LUZP2: variants seen among roughly 807,000 people sequenced by gnomAD.
The protein encoded by LUZP2 is leucine zipper protein 2.
LUZP2 carries 52 observed loss-of-function variants against 51.6 expected under a neutral mutation model. The ratio of observed to expected loss-of-function variants is 1.01; its 90% confidence interval spans 0.81 to 1.27. The LOEUF (loss-of-function observed/expected upper bound fraction) is 1.27. Among genes scored for constraint, LUZP2 ranks in the 50% most tolerant of loss-of-function variants. The probability of loss-of-function intolerance (pLI) is 0.00; values close to 1 mark genes in which losing one functional copy is unlikely to be tolerated. For missense variants in LUZP2, 436 were observed against 395.4 expected (o/e 1.10, Z -0.87); for synonymous variants, 154 against 137.3 (o/e 1.12, Z -0.85).
At chr11:24,581,636 A>C (rs981295794) in intron 1 of LUZP2, among the ~76,000 whole-genome samples, 17 of 151,742 alleles carry the variant, frequency 1.1e-4, no homozygotes, top group Admixed American at 8.6e-4. Flanking sequence ...ATGCCACTGC[A>C]CTCCAGCCTG....
chr11:24,765,053 T>C (rs1056526451), intron 5 of LUZP2, among the ~76,000 whole-genome samples: 16 of 152,100 alleles, frequency 1.1e-4, no homozygotes, highest in African/African-American at 3.9e-4. Context: ...GAAATGAAAA[T>C]TGATAACCAA....
rs12280545 is a variant in LUZP2 at position 24,728,996 on chromosome 11, T to C, written c.63-173T>C. On this transcript the variant is annotated intron_variant, in intron 1 of 11. Transcript: ENST00000336930. ...TCACTGGGAAATGAAACTTTTGTTA[T>C]AAAATGGGGTTTTCAATTTTCCCCT... is the stretch of plus-strand genomic sequence containing the variant. 2,641 of 397,876 alleles carry C rather than the reference T, an allele frequency of 6.6e-3. 70 individuals are homozygous for C. The highest frequency in any genetic ancestry group is 0.049 in the African/African-American group (2,400 of 48,856). The allele number at this position is 397,876 out of a possible 1,614,324, so 24.6% of individuals were successfully genotyped here.
chr11:24,931,064 G>A (rs940369398), intron 7 of LUZP2, among the ~76,000 whole-genome samples: 1 of 151,666 alleles, frequency 6.6e-6, no homozygotes, highest in African/African-American at 2.4e-5. Flanking sequence ...TACAAAAATT[G>A]GCTGGGCATG....
intron 9 of LUZP2, among the ~76,000 whole-genome samples, chr11:25,029,040 C>G (rs914122031): frequency 6.6e-6 from 1 of 152,050 alleles, no homozygotes; most frequent in Non-Finnish European, 1.5e-5. Context: ...AACAATTGAA[C>G]TCATGGACAT....
At position 24,892,093 on chromosome 11, in the gene LUZP2, G is replaced by A. The variant is rs538989512; in HGVS notation, c.397-13898G>A. The A allele has an allele frequency of 5.6e-5, 55 of 985,612 alleles. No homozygotes were observed. The South Asian group carries it at 9.4e-4, about 17-fold the overall frequency. The allele number at this position is 985,612 out of a possible 1,614,324, so 61.1% of individuals were successfully genotyped here. ...CTGAAGCCAGGGCTCATGGTCACTC[G>A]TGACTTACTAGTTTGATAGGCTCTC... On this transcript the variant is annotated intron_variant, in intron 5 of 11. Transcript: ENST00000336930.
chr11:24,919,821 T>G (rs1469862960), intron 7 of LUZP2, among the ~76,000 whole-genome samples: 3 of 151,116 alleles, frequency 2.0e-5, no homozygotes, highest in African/African-American at 2.4e-5. Flanking sequence ...CAGGTGATTT[T>G]CAAAAGAAAT....
intron 5 of LUZP2, among the ~76,000 whole-genome samples, chr11:24,869,324 G>T (rs1240001553): frequency 1.3e-5 from 2 of 152,064 alleles, no homozygotes; most frequent in African/African-American, 2.4e-5. Context: ...GCATTTTTAA[G>T]AAATTGAAGG....
At chr11:24,853,886 G>A (rs1267267202) in intron 5 of LUZP2, among the ~76,000 whole-genome samples, 2 of 152,144 alleles carry the variant, frequency 1.3e-5, no homozygotes, top group Non-Finnish European at 2.9e-5. Flanking sequence ...CTCAGCTACA[G>A]GTCTGTTGGA....
chr11:24,820,911 G>T (rs1488713147), intron 5 of LUZP2, among the ~76,000 whole-genome samples: 1 of 152,132 alleles, frequency 6.6e-6, no homozygotes, highest in Non-Finnish European at 1.5e-5. Flanking sequence ...TCAACAGTCA[G>T]TGGTGACATC....
At chr11:24,523,690 A>G (rs541772997) in intron 1 of LUZP2, among the ~76,000 whole-genome samples, 1 of 151,658 alleles carries the variant, frequency 6.6e-6, no homozygotes, top group East Asian at 1.9e-4. Flanking sequence ...TAACAATCTT[A>G]TTTTAATTGA....
intron 9 of LUZP2, among the ~76,000 whole-genome samples, chr11:25,011,434 G>C (rs961939754): frequency 6.6e-6 from 1 of 152,100 alleles, no homozygotes; most frequent in Non-Finnish European, 1.5e-5. Context: ...GTGAATTTCA[G>C]TGCCCATAAT....
chr11:24,785,337 G>C (rs1021982471), intron 5 of LUZP2, among the ~76,000 whole-genome samples: 1 of 151,916 alleles, frequency 6.6e-6, no homozygotes, highest in East Asian at 1.9e-4. Flanking sequence ...ACAATCTAAG[G>C]CTTAAATACA....
intron 7 of LUZP2, among the ~76,000 whole-genome samples, chr11:24,958,654 C>A (rs1855287425): frequency 6.6e-6 from 1 of 151,892 alleles, no homozygotes; most frequent in African/African-American, 2.4e-5. Context: ...TGGATATTAG[C>A]CCTTTGTCAG....
chr11:24,604,916 T>A (rs1035700698), intron 1 of LUZP2, among the ~76,000 whole-genome samples: 15 of 151,862 alleles, frequency 9.9e-5, no homozygotes, highest in African/African-American at 1.9e-4. Flanking sequence ...TATGAGATTT[T>A]AAAAAACTCA....
chr11:24,926,934 CT>C (rs1227834042), intron 7 of LUZP2, among the ~76,000 whole-genome samples: 1 of 151,464 alleles, frequency 6.6e-6, no homozygotes, highest in African/African-American at 2.4e-5. Flanking sequence ...TATGACCATT[CT>C]TGCAGGAATA....
chr11:25,025,309 A>G (rs937266588), intron 9 of LUZP2, among the ~76,000 whole-genome samples: 1 of 152,182 alleles, frequency 6.6e-6, no homozygotes, highest in Non-Finnish European at 1.5e-5. Context: ...ATCTAATTAA[A>G]CTAAAGAGCT....
At chr11:24,999,004 T>C (rs1053571229) in intron 9 of LUZP2, among the ~76,000 whole-genome samples, 1 of 152,200 alleles carries the variant, frequency 6.6e-6, no homozygotes, top group African/African-American at 2.4e-5. Context: ...TTATTCCTAG[T>C]TCAACAAATG....
chr11:24,740,329 T>C (rs1859091528), intron 4 of LUZP2, among the ~76,000 whole-genome samples: 3 of 152,098 alleles, frequency 2.0e-5, no homozygotes, highest in Admixed American at 2.0e-4. Flanking sequence ...AAACCAAAGT[T>C]AGAATATCCA....
intron 7 of LUZP2, among the ~76,000 whole-genome samples, chr11:24,966,885 A>G (rs1855599815): frequency 6.8e-6 from 1 of 147,718 alleles, no homozygotes; most frequent in Admixed American, 6.8e-5. Context: ...TGTGTAAAGT[A>G]TGTCTAATAT....
Sources: allele counts gnomAD v4.1 joint callset (sites outside exome capture counted in the v4.1 genomes callset), GRCh38; gene constraint gnomAD v4.1.1; transcripts MANE v1.5; gene names NCBI Gene and HGNC (gene_info 2026-07-23, HGNC 2026-07-21).